The following UNC13D variants were observed in gnomAD, a reference collection of about 807,000 sequenced individuals.
The protein encoded by UNC13D is protein unc-13 homolog D.
In UNC13D, 115 loss-of-function variants were observed where a neutral mutation model predicts 151.7. The ratio of observed to expected loss-of-function variants is 0.76; its 90% CI spans 0.65 to 0.88. UNC13D has a LOEUF of 0.88. Among genes scored for constraint, UNC13D ranks in the 40% least tolerant of loss-of-function variants. The pLI is 0.00. For synonymous variants in UNC13D, 588 were observed against 612.2 expected (o/e 0.96, Z 0.58); for missense variants, 1,369 against 1,438.7 (o/e 0.95, Z 0.78).
chr17:75,831,831 C>T (rs1229531266), intron 25 of UNC13D: 2 of 177,886 alleles, frequency 1.1e-5, no homozygotes, highest in South Asian at 1.1e-4. Context: ...CATTGTGGCA[C>T]GTGCCTGTAG....
At position 75,831,367 on chromosome 17, in the gene UNC13D, G is replaced by A. The variant is rs1188907533; in HGVS notation, c.2448-19C>T. The A allele has an allele frequency of 4.4e-6, 7 of 1,603,898 alleles. No individual in the cohort carries two copies. The highest frequency in any genetic ancestry group is 1.7e-4 in the Middle Eastern group (1 of 6,042). ...CAGGAGGCTGGGGCGGGGCCGGAGGGATGCGGACACAGCACGGCAGGGCGG... is the reference window on the plus strand; with the variant it reads ...CAGGAGGCTGGGGCGGGGCCGGAGGAATGCGGACACAGCACGGCAGGGCGG... On this transcript the variant is annotated intron_variant, in intron 25 of 31. Transcript: ENST00000207549.
At chr17:75,831,052 C>T (rs2064868849) in intron 27 of UNC13D, 46 bp downstream of exon 27, 3 of 1,610,090 alleles carry the variant, frequency 1.9e-6, no homozygotes, top group Non-Finnish European at 2.5e-6. Flanking sequence ...TGCCAAAAGG[C>T]AGGCTCCCCA....
Position 75,836,014 on chromosome 17 carries a change from G to A in UNC13D, c.1542C>T (p.His514=), listed in dbSNP as rs1159767919. Residue 514 remains histidine (H), a splice_region_variant and synonymous_variant, in exon 17 of 32, where the codon CAC becomes CAT. Transcript: ENST00000207549. ...QCQRTWDKIF[H]NTLKIHLFSM... is the part of the protein sequence containing the mutation. ...TCCCGACCTGGCTATCTGCTCACTT[G>A]TGGAAGATCTTGTCCCATGTGCGCT... 1.2e-6 allele frequency: 2 copies of A among 1,614,038 alleles called. No individual in the cohort carries two copies. Among genetic ancestry groups the A allele is most frequent in the East Asian group, 4.5e-5 (2 of 44,906 alleles).
chr17:75,842,391 G>C, intron 6 of UNC13D, 42 bp downstream of exon 6: 2 of 1,589,698 alleles, frequency 1.3e-6, no homozygotes, highest in Non-Finnish European at 8.6e-7. Context: ...TGCTACCCAG[G>C]AAAGACCTGG....
chr17:75,837,134 C>T (rs975135077), intron 12 of UNC13D, among the ~76,000 whole-genome samples: 3 of 151,630 alleles, frequency 2.0e-5, no homozygotes, highest in Non-Finnish European at 2.9e-5. Context: ...GGCGTGATCT[C>T]GGCTCACTGC....
In UNC13D at chr17:75,830,235, G is replaced by A. The variant is rs2064861191; in HGVS notation, c.2831-84C>T. ...CAGCTATGCTCTGCTCAGCGGCACT[G>A]ACCCCTCCTGGTAACTGGAGGAAAT... On this transcript the variant is annotated intron_variant, in intron 29 of 31. Coordinates refer to ENST00000207549, the MANE Select transcript of UNC13D (RefSeq NM_199242.3). The A allele has an allele frequency of 1.2e-5, 18 of 1,555,806 alleles. No individual in the cohort carries two copies. In the South Asian group the frequency reaches 2.0e-4, roughly 17 times the overall value.
In UNC13D at chr17:75,841,390, G is replaced by C. The variant is rs374291420; in HGVS notation, c.570-389C>G. On this transcript the variant is annotated intron_variant, in intron 6 of 31. Transcript: ENST00000207549. ...GAGCTTCTGACCTCGTGATCCGCCCGCCTAGGCCTCCCAAAGTGCTGGGAT... is the reference window on the plus strand; with the variant it reads ...GAGCTTCTGACCTCGTGATCCGCCCCCCTAGGCCTCCCAAAGTGCTGGGAT... 2.0e-5 allele frequency among the ~76,000 whole-genome samples: 3 copies of C among 150,032 alleles called. No individual in the cohort carries two copies. The Admixed American group carries it at 2.0e-4, about 10-fold the overall frequency.
rs771633331 is a variant in UNC13D at position 75,836,024 on chromosome 17, T to G, written c.1532A>C (p.Lys511Thr). Residue 511 changes from lysine to threonine, a missense_variant, in exon 17 of 32, where the codon AAG (lysine) becomes ACG (threonine). Lys to Thr is a moderately conservative substitution (Grantham distance 78). This residue lies in a region of UNC13D where 807 missense variants were observed against 795.5 expected (regional missense o/e 1.01). Coordinates refer to ENST00000207549, the MANE Select transcript of UNC13D (RefSeq NM_199242.3). ...GCTATCTGCTCACTTGTGGAAGATC[T>G]TGTCCCATGTGCGCTGGCACTGGTG... ...DLHQCQRTWDKIFHNTLKIHL... is the reference protein window; with the variant it reads ...DLHQCQRTWDTIFHNTLKIHL... The G allele has an allele frequency of 8.1e-6, 13 of 1,614,072 alleles. No individual in the cohort carries two copies. In the Admixed American group the frequency reaches 2.2e-4, roughly 27 times the overall value.
At chr17:75,843,432 G>T (rs1042987691) in intron 2 of UNC13D, 52 bp downstream of exon 2, 22 of 1,583,384 alleles carry the variant, frequency 1.4e-5, no homozygotes, top group Non-Finnish European at 1.9e-5. Flanking sequence ...CCGGCAGGAG[G>T]ACACACAGCC....
intron 27 of UNC13D, among the ~76,000 whole-genome samples, 188 bp downstream of exon 27, chr17:75,830,910 G>A (rs2143866581): frequency 1.3e-5 from 2 of 152,336 alleles, no homozygotes; most frequent in East Asian, 3.9e-4. Context: ...CTGTGCTTAG[G>A]AGGACCCAGG....
rs143939013 is a variant in UNC13D at position 75,834,706 on chromosome 17, C to A, written c.2003G>T (p.Arg668Leu). 7 of 1,613,514 alleles carry A rather than the reference C, an allele frequency of 4.3e-6. No homozygotes were observed. Among genetic ancestry groups the A allele is most frequent in the Non-Finnish European group, 4.2e-6 (5 of 1,179,990 alleles). ...ITVKFVEDTCRLALVYCSLIK... is the reference protein window; with the variant it reads ...ITVKFVEDTCLLALVYCSLIK... ...AAGGCTGCAGTACACCAGGGCCAGGCGACAGGTGTCCTAGGGTGGGGTTGG... is the reference window on the plus strand; with the variant it reads ...AAGGCTGCAGTACACCAGGGCCAGGAGACAGGTGTCCTAGGGTGGGGTTGG... Residue 668 changes from arginine (R) to leucine (L), a missense_variant, in exon 22 of 32, where the codon CGC (arginine) becomes CTC (leucine). Arg to Leu is a moderately radical substitution (Grantham distance 102, BLOSUM62 -2). Around this residue, in one of 3 missense-constraint regions of UNC13D, gnomAD observed 807 missense variants for 795.5 expected, o/e 1.01. Coordinates refer to ENST00000207549, the MANE Select transcript of UNC13D (RefSeq NM_199242.3).
At chr17:75,839,328 G>A (rs1018600207) in intron 12 of UNC13D, among the ~76,000 whole-genome samples, 14 of 151,286 alleles carry the variant, frequency 9.3e-5, no homozygotes, top group Admixed American at 3.3e-4. Flanking sequence ...CTTGAACCTG[G>A]AAGGCAGAGG....
chr17:75,827,345 C>T lies in UNC13D; in HGVS notation c.*620G>A. On this transcript the variant is annotated 3_prime_UTR_variant, in exon 32 of 32. Coordinates refer to ENST00000207549, the MANE Select transcript of UNC13D (RefSeq NM_199242.3). Reference sequence around the variant, plus strand: ...CACAGCAGCCAAACTGTCCTTTCTGCTTCCGTCTGTCTGTGCCAGCCCTGC... The same window carrying T: ...CACAGCAGCCAAACTGTCCTTTCTGTTTCCGTCTGTCTGTGCCAGCCCTGC... 1 of 1,113,240 alleles carries T rather than the reference C, an allele frequency of 9.0e-7. No individual in the cohort carries two copies. 69.0% of individuals were successfully genotyped at this position (1,113,240 alleles called of 1,614,324 possible). A position where few individuals can be genotyped will look rare whatever the true frequency, so the allele number is the denominator to read the frequency against.
rs8067076 is a variant in UNC13D at position 75,841,061 on chromosome 17, A to T, written c.570-60T>A. On this transcript the variant is annotated intron_variant, in intron 6 of 31. Coordinates refer to ENST00000207549, the MANE Select transcript of UNC13D (RefSeq NM_199242.3). ...GAGGGTGGATGCCCCCAGACGAAGC[A>T]GTAAGTGACCACAGCCCAGAGCCAT... 6 of 1,604,500 alleles carry T rather than the reference A, an allele frequency of 3.7e-6. No homozygotes were observed. The African/African-American group carries it at 8.1e-5, about 22-fold the overall frequency.
At chr17:75,828,117 C>A in intron 31 of UNC13D, 31 bp from the exon 32 acceptor site, 3 of 1,566,200 alleles carry the variant, frequency 1.9e-6, no homozygotes, top group Non-Finnish European at 2.6e-6. Flanking sequence ...GGGTCAGATG[C>A]CAGGGGAGAG....
chr17:75,842,681 C>A (rs956071589), intron 5 of UNC13D, 68 bp from the exon 6 acceptor site: 7 of 1,605,666 alleles, frequency 4.4e-6, no homozygotes, highest in Non-Finnish European at 5.1e-6. Flanking sequence ...GCCCTCATCA[C>A]CCCCGCCCGG....
At chr17:75,828,745 G>T in intron 31 of UNC13D, 42 bp downstream of exon 31, 1 of 1,484,142 alleles carries the variant, frequency 6.7e-7, no homozygotes. Flanking sequence ...GAGCTTTACA[G>T]GCTCCCGTCC....
In UNC13D at chr17:75,827,545, G is replaced by T; in HGVS notation, c.*420C>A. The stretch of plus-strand genomic sequence containing the variant: ...GCAGGGTCCCCTCTCCCTTTTCCAG[G>T]AGACTCTGTGCCTGTAGCCCTGGTC... On this transcript the variant is annotated 3_prime_UTR_variant, in exon 32 of 32. Transcript: ENST00000207549. 3.9e-6 allele frequency: 6 copies of T among 1,534,212 alleles called. No individual in the cohort carries two copies. Among genetic ancestry groups the T allele is most frequent in the Non-Finnish European group, 5.2e-6 (6 of 1,145,892 alleles).
chr17:75,827,364 G>A lies in UNC13D; in HGVS notation c.*601C>T. On this transcript the variant is annotated 3_prime_UTR_variant, in exon 32 of 32. Coordinates refer to ENST00000207549, the MANE Select transcript of UNC13D (RefSeq NM_199242.3). ...TTTCTGCTTCCGTCTGTCTGTGCCA[G>A]CCCTGCCGCCTGCCAGCTCTTGCTC... 7.9e-7 allele frequency: 1 copy of A among 1,272,058 alleles called. No homozygotes were observed. The highest frequency in any genetic ancestry group is 1.0e-6 in the Non-Finnish European group (1 of 967,238). 78.8% of individuals were successfully genotyped at this position (1,272,058 alleles called of 1,614,324 possible).
Sources: gnomAD v4.1 joint callset for allele counts (sites outside exome capture counted in the v4.1 genomes callset) on GRCh38, gnomAD v4.1.1 for gene constraint, gnomAD v4.1.1 regional missense constraint, MANE v1.5 for transcripts, NCBI Gene and HGNC (gene_info 2026-07-23, HGNC 2026-07-21) for gene names.